Variants in WWOX observed in about 807,000 individuals in gnomAD.
WWOX encodes the protein WW domain containing oxidoreductase.
Under a neutral mutation model 46.2 loss-of-function variants are expected in WWOX, and 69 were observed. That is an observed-to-expected ratio of 1.49 (90% CI 1.23 to 1.82). The LOEUF is 1.82. WWOX is among the 40% of genes most tolerant of loss of function. WWOX has a pLI of 0.00. For synonymous variants in WWOX, 359 were observed against 202.6 expected (o/e 1.77, Z -6.56); for missense variants, 919 against 542.6 (o/e 1.69, Z -6.89).
At chr16:79,080,284 T>A (rs889605405) in intron 8 of WWOX, among the ~76,000 whole-genome samples, 3 of 152,176 alleles carry the variant, frequency 2.0e-5, no homozygotes, top group African/African-American at 7.2e-5. Context: ...CTGTCTCTCA[T>A]CTCTGCTTTT....
intron 8 of WWOX, among the ~76,000 whole-genome samples, chr16:78,942,316 A>C (rs768609493): frequency 1.3e-5 from 2 of 152,204 alleles, no homozygotes; most frequent in Non-Finnish European, 2.9e-5. Flanking sequence ...GTAAGGGGTT[A>C]AAAGTCATCA....
At chr16:78,947,433 GCTAA>G (rs762302197) in intron 8 of WWOX, among the ~76,000 whole-genome samples, 1 of 152,160 alleles carries the variant, frequency 6.6e-6, no homozygotes, top group African/African-American at 2.4e-5. Flanking sequence ...GCTTTTGAGT[GCTAA>G]CTGAGATGAA....
In WWOX at chr16:79,181,624, C is replaced by G. The variant is rs1187276896; in HGVS notation, c.1057-29984C>G. Among the ~76,000 whole-genome samples the G allele has an allele frequency of 2.0e-5, 3 of 152,216 alleles. No homozygotes were observed. The East Asian group carries it at 5.8e-4, about 29-fold the overall frequency. On this transcript the variant is annotated intron_variant, in intron 8 of 8. Transcript: ENST00000566780. Reference sequence around the variant, plus strand: ...GTACCAAAGTTTGCTTAACATCCCCCTTATTACTCAGCCTTTGGGTGGTAT... The same window carrying G: ...GTACCAAAGTTTGCTTAACATCCCCGTTATTACTCAGCCTTTGGGTGGTAT...
intron 8 of WWOX, among the ~76,000 whole-genome samples, chr16:78,861,251 C>G (rs996912910): frequency 6.6e-6 from 1 of 152,212 alleles, no homozygotes; most frequent in Non-Finnish European, 1.5e-5. Flanking sequence ...AATTGACTCC[C>G]TCTGCCTGAC....
chr16:78,398,745 A>G (rs1256091094), intron 6 of WWOX, among the ~76,000 whole-genome samples: 1 of 152,186 alleles, frequency 6.6e-6, no homozygotes, highest in African/African-American at 2.4e-5. Flanking sequence ...AATCTTTCTA[A>G]TTCTTAATTT....
intron 2 of WWOX, among the ~76,000 whole-genome samples, 158 bp from the exon 3 acceptor site, chr16:78,109,620 C>T (rs933756847): frequency 2.0e-5 from 3 of 150,604 alleles, no homozygotes; most frequent in African/African-American, 4.9e-5. Flanking sequence ...CTGCAGCTGT[C>T]GCAGTTGGAA....
At chr16:78,947,088 A>G (rs1000433932) in intron 8 of WWOX, among the ~76,000 whole-genome samples, 3 of 151,856 alleles carry the variant, frequency 2.0e-5, no homozygotes, top group Non-Finnish European at 2.9e-5. Flanking sequence ...TTACTGCTCA[A>G]TAAATCCCTG....
intron 8 of WWOX, chr16:78,897,527 A>C (rs556922310): frequency 6.6e-6 from 1 of 152,116 alleles, no homozygotes; most frequent in Non-Finnish European, 1.5e-5. Context: ...AATGCTGGAT[A>C]GTATCCTGTG....
chr16:79,119,800 G>A (rs965934468), intron 8 of WWOX, among the ~76,000 whole-genome samples: 1 of 152,120 alleles, frequency 6.6e-6, no homozygotes, highest in African/African-American at 2.4e-5. Context: ...AACCTCATAG[G>A]GAAGACACTA....
intron 8 of WWOX, among the ~76,000 whole-genome samples, chr16:78,931,769 AC>A (rs1330079122): frequency 6.6e-6 from 1 of 152,176 alleles, no homozygotes; most frequent in African/African-American, 2.4e-5. Context: ...GGTTAGCAGT[AC>A]CCACTTGATA....
chr16:78,804,626 G>A (rs2050980535), intron 8 of WWOX, among the ~76,000 whole-genome samples: 1 of 152,198 alleles, frequency 6.6e-6, no homozygotes, highest in Non-Finnish European at 1.5e-5. Context: ...TACATGTCAA[G>A]CAATGAGCCT....
intron 5 of WWOX, among the ~76,000 whole-genome samples, chr16:78,235,202 T>A (rs2037394730): frequency 6.6e-6 from 1 of 152,250 alleles, no homozygotes; most frequent in African/African-American, 2.4e-5. Context: ...TTGCCATGCT[T>A]CCTTTCTTCA....
intron 8 of WWOX, among the ~76,000 whole-genome samples, chr16:78,879,502 C>T (rs1303204918): frequency 7.1e-6 from 1 of 141,014 alleles, no homozygotes; most frequent in Non-Finnish European, 1.6e-5. Flanking sequence ...AGTCCACTCT[C>T]AAAAAAAAAA....
At chr16:78,732,682 G>A (rs1182501278) in intron 8 of WWOX, among the ~76,000 whole-genome samples, 4 of 152,158 alleles carry the variant, frequency 2.6e-5, no homozygotes, top group South Asian at 4.2e-4. Context: ...ATAGGTGCAG[G>A]CATATATGAA....
intron 4 of WWOX, among the ~76,000 whole-genome samples, chr16:78,137,852 C>T (rs1460683599): frequency 1.4e-5 from 2 of 138,052 alleles, no homozygotes; most frequent in African/African-American, 2.7e-5. Flanking sequence ...AGTATCCATA[C>T]TCTTAATAGA....
chr16:79,039,008 T>G (rs2047921441), intron 8 of WWOX, among the ~76,000 whole-genome samples: 1 of 152,202 alleles, frequency 6.6e-6, no homozygotes, highest in African/African-American at 2.4e-5. Context: ...AATGGGAGTT[T>G]TAATAGGTTA....
intron 8 of WWOX, among the ~76,000 whole-genome samples, chr16:78,940,941 G>T (rs2045840043): frequency 6.6e-6 from 1 of 151,264 alleles, no homozygotes; most frequent in African/African-American, 2.4e-5. Context: ...ATTTTCTTCT[G>T]CCCCCCCACC....
intron 8 of WWOX, among the ~76,000 whole-genome samples, chr16:78,688,389 C>T (rs531732414): frequency 1.3e-5 from 2 of 151,252 alleles, no homozygotes; most frequent in Admixed American, 6.6e-5. Flanking sequence ...AAAAAAGATC[C>T]TGACAAATCC....
chr16:79,141,201 C>T (rs577592681), intron 8 of WWOX, among the ~76,000 whole-genome samples: 11 of 152,198 alleles, frequency 7.2e-5, no homozygotes, highest in Non-Finnish European at 1.6e-4. Flanking sequence ...ACATTTGTCT[C>T]TTATCTACCT....
Sources: gnomAD v4.1 joint callset for allele counts (sites outside exome capture counted in the v4.1 genomes callset) on GRCh38, gnomAD v4.1.1 for gene constraint, MANE v1.5 for transcripts, NCBI Gene and HGNC (gene_info 2026-07-23, HGNC 2026-07-21) for gene names.